The following MTUS2 variants were observed in gnomAD, a reference collection of about 807,000 sequenced individuals.
MTUS2 encodes microtubule associated scaffold protein 2.
Under a neutral mutation model 114.1 loss-of-function variants are expected in MTUS2, and 40 were observed. The observed-to-expected ratio is 0.35, with a 90% CI of 0.27 to 0.46. The LOEUF is 0.46. Ranked by LOEUF, MTUS2 falls within the 20% of genes least tolerant of loss-of-function variation. The probability of loss-of-function intolerance (pLI) is 1.00; values close to 1 mark genes in which losing one functional copy is unlikely to be tolerated. For synonymous variants in MTUS2, 688 were observed against 672.0 expected (o/e 1.02, Z -0.37); for missense variants, 1,679 against 1,705.4 (o/e 0.98, Z 0.27).
Position 28,922,141 on chromosome 13 carries a change from C to CTT in MTUS2, c.-243+82293_-243+82294dup, listed in dbSNP as rs1311687343. ...TGTTTAAAAGTGTGTAGCACCTCCC[C>CTT]TTTGCTCTCTCTCCTGCTGCCATGT... On this transcript the variant is annotated intron_variant, in intron 2 of 15. Transcript: ENST00000612955. Among the ~76,000 whole-genome samples the CTT allele has an allele frequency of 9.2e-5, 14 of 152,272 alleles. No individual in the cohort carries two copies. In the East Asian group the frequency reaches 2.3e-3, roughly 25 times the overall value.
At chr13:29,014,512 T>A (rs1748376916) in intron 2 of MTUS2, among the ~76,000 whole-genome samples, 1 of 152,210 alleles carries the variant, frequency 6.6e-6, no homozygotes, top group Non-Finnish European at 1.5e-5. Context: ...CTTACCTTTA[T>A]TCTATTGGGA....
At chr13:29,479,765 C>T (rs921542674) in intron 9 of MTUS2, among the ~76,000 whole-genome samples, 2 of 152,212 alleles carry the variant, frequency 1.3e-5, no homozygotes, top group African/African-American at 4.8e-5. Context: ...CTCTGATTCA[C>T]CCAGGGCGTA....
At chr13:29,291,904 A>C (rs532515518) in intron 6 of MTUS2, among the ~76,000 whole-genome samples, 2 of 152,232 alleles carry the variant, frequency 1.3e-5, no homozygotes, top group Admixed American at 1.3e-4. Flanking sequence ...CTAACATCTA[A>C]GCCCTCCTTG....
intron 6 of MTUS2, among the ~76,000 whole-genome samples, chr13:29,300,500 AC>A (rs1296484426): frequency 6.6e-6 from 1 of 152,204 alleles, no homozygotes; most frequent in Admixed American, 6.5e-5. Context: ...TGCCTACTGT[AC>A]TATAAATGCA....
chr13:29,387,360 G>A (rs1872696344), intron 8 of MTUS2, among the ~76,000 whole-genome samples: 1 of 152,194 alleles, frequency 6.6e-6, no homozygotes, highest in African/African-American at 2.4e-5. Context: ...CCCTGCGGTT[G>A]GAGAAGGCCT....
chr13:29,095,414 T>C (rs1160811824), intron 4 of MTUS2, among the ~76,000 whole-genome samples: 1 of 152,202 alleles, frequency 6.6e-6, no homozygotes, highest in Non-Finnish European at 1.5e-5. Context: ...CTCTTCATTC[T>C]GGGTTGACAG....
At chr13:29,274,077 G>A (rs1449080346) in intron 5 of MTUS2, among the ~76,000 whole-genome samples, 1 of 151,890 alleles carries the variant, frequency 6.6e-6, no homozygotes, top group Non-Finnish European at 1.5e-5. Context: ...AACTCTATGG[G>A]GTTTTTTGTT....
intron 5 of MTUS2, among the ~76,000 whole-genome samples, chr13:29,258,684 T>C (rs1593231772): frequency 1.3e-5 from 2 of 152,358 alleles, no homozygotes; most frequent in South Asian, 4.1e-4. Context: ...TTACCAGAAG[T>C]TTCCTTAGAG....
At chr13:28,961,157 A>G (rs1246390113) in intron 2 of MTUS2, among the ~76,000 whole-genome samples, 1 of 152,194 alleles carries the variant, frequency 6.6e-6, no homozygotes, top group African/African-American at 2.4e-5. Context: ...GTTGACATTC[A>G]TGTCATCAGA....
At chr13:28,827,591 C>T (rs766822172) in intron 1 of MTUS2, among the ~76,000 whole-genome samples, 17 of 152,210 alleles carry the variant, frequency 1.1e-4, no homozygotes, top group South Asian at 2.1e-4. Flanking sequence ...TCTTCAGTAT[C>T]GGGGGAAATT....
At chr13:29,136,672 G>A (rs764912745) in intron 5 of MTUS2, among the ~76,000 whole-genome samples, 1 of 152,278 alleles carries the variant, frequency 6.6e-6, no homozygotes, top group Non-Finnish European at 1.5e-5. Context: ...GCCCAAAGAG[G>A]ACATGGAAGT....
intron 11 of MTUS2, among the ~76,000 whole-genome samples, chr13:29,491,518 CATG>C (rs989205960): frequency 5.0e-5 from 5 of 99,374 alleles, no homozygotes; most frequent in African/African-American, 1.2e-4. Flanking sequence ...GTGTGGGAGG[CATG>C]ATGTGTGTGG....
chr13:29,174,342 A>G lies in MTUS2; in HGVS notation c.2644+73372A>G, dbSNP rs1392133388. 1.2e-4 allele frequency among the ~76,000 whole-genome samples: 18 copies of G among 152,242 alleles called. 1 individual carries two copies. The South Asian group carries it at 2.3e-3, about 19-fold the overall frequency. On this transcript the variant is annotated intron_variant, in intron 5 of 15. Coordinates refer to ENST00000612955, the MANE Select transcript of MTUS2 (RefSeq NM_001033602.4). ...GTCCCCTGGCAGTTTGAGCATTTCT[A>G]TTTACTGTTTTACCCTTGAGAAATC...
At chr13:29,034,224 T>C in intron 4 of MTUS2, 99 bp downstream of exon 4, 1 of 1,501,582 alleles carries the variant, frequency 6.7e-7, no homozygotes. Flanking sequence ...CCTTTCATCC[T>C]TTAAGGAGAG....
At chr13:29,193,922 C>G (rs1001673240) in intron 5 of MTUS2, among the ~76,000 whole-genome samples, 1 of 152,036 alleles carries the variant, frequency 6.6e-6, no homozygotes, top group Non-Finnish European at 1.5e-5. Context: ...CAGAACAGAG[C>G]CCTCAGAAAT....
chr13:29,323,211 G>C (rs1452476818), intron 6 of MTUS2, among the ~76,000 whole-genome samples: 15 of 151,728 alleles, frequency 9.9e-5, no homozygotes, highest in Admixed American at 8.5e-4. Flanking sequence ...TAAGACGATG[G>C]TGAACTGAAT....
At chr13:28,833,473 A>C (rs1012917605) in intron 1 of MTUS2, among the ~76,000 whole-genome samples, 1 of 152,152 alleles carries the variant, frequency 6.6e-6, no homozygotes, top group African/African-American at 2.4e-5. Flanking sequence ...AATCATCTTA[A>C]TAGAAACAAA....
At chr13:29,472,455 C>A (rs766346865) in intron 9 of MTUS2, among the ~76,000 whole-genome samples, 1 of 152,200 alleles carries the variant, frequency 6.6e-6, no homozygotes, top group Non-Finnish European at 1.5e-5. Flanking sequence ...AGCTGTGTTT[C>A]ATGCAACCCA....
intron 2 of MTUS2, among the ~76,000 whole-genome samples, chr13:29,002,913 G>C (rs1469634607): frequency 6.6e-6 from 1 of 152,168 alleles, no homozygotes; most frequent in East Asian, 1.9e-4. Context: ...CTAGGTAATA[G>C]AGCACCATTG....
Sources: gnomAD v4.1 joint callset for allele counts (sites outside exome capture counted in the v4.1 genomes callset) on GRCh38, gnomAD v4.1.1 for gene constraint, MANE v1.5 for transcripts, NCBI Gene and HGNC (gene_info 2026-07-23, HGNC 2026-07-21) for gene names.